The following SKAP2 variants were observed in gnomAD, a reference collection of about 807,000 sequenced individuals.
SKAP2 encodes src kinase-associated phosphoprotein 2.
SKAP2 carries 28 observed loss-of-function variants against 54.9 expected under a neutral mutation model. That is an observed-to-expected ratio of 0.51 (90% CI 0.38 to 0.70). The LOEUF is 0.70. SKAP2 is among the 30% of genes least tolerant of loss of function. The pLI, the probability that SKAP2 is intolerant of heterozygous loss-of-function variation, is 0.00. For synonymous variants in SKAP2, 137 were observed against 134.3 expected (o/e 1.02, Z -0.14); for missense variants, 356 against 424.1 (o/e 0.84, Z 1.41).
At chr7:26,717,783 G>T (rs1238436167) in intron 9 of SKAP2, among the ~76,000 whole-genome samples, 2 of 151,150 alleles carry the variant, frequency 1.3e-5, no homozygotes. Context: ...AGGGAGTTGA[G>T]ATCATGCCGC....
chr7:26,755,382 C>G (rs1782768137), intron 4 of SKAP2, among the ~76,000 whole-genome samples: 2 of 151,928 alleles, frequency 1.3e-5, no homozygotes, highest in African/African-American at 4.8e-5. Context: ...ATTAACTTGT[C>G]AAATGATGAC....
At chr7:26,761,582 A>C (rs1584374683) in intron 4 of SKAP2, among the ~76,000 whole-genome samples, 1 of 152,198 alleles carries the variant, frequency 6.6e-6, no homozygotes, top group East Asian at 1.9e-4. Flanking sequence ...CACAGAATGA[A>C]TAAAAAGACA....
intron 9 of SKAP2, among the ~76,000 whole-genome samples, chr7:26,719,106 T>C (rs920148499): frequency 1.3e-5 from 2 of 152,002 alleles, no homozygotes; most frequent in Non-Finnish European, 2.9e-5. Flanking sequence ...CTTGAGGAGT[T>C]TGAAGCTGCA....
intron 4 of SKAP2, among the ~76,000 whole-genome samples, chr7:26,756,815 A>G (rs1370613729): frequency 6.6e-6 from 1 of 152,052 alleles, no homozygotes; most frequent in Non-Finnish European, 1.5e-5. Context: ...AAGTGTTCCT[A>G]TTTCTCCATA....
rs547768838 is a variant in SKAP2, at chr7:26,735,515, T to C, written c.469+3280A>G. Among the ~76,000 whole-genome samples the C allele has an allele frequency of 2.6e-5, 4 of 152,344 alleles. No homozygotes were observed. The East Asian group carries it at 7.7e-4, about 29-fold the overall frequency. On this transcript the variant is annotated intron_variant, in intron 6 of 12. Coordinates refer to ENST00000345317, the MANE Select transcript of SKAP2 (RefSeq NM_003930.5). ...TCTTTCTAAGCCACTCCTATCTTGA[T>C]AGGTCAATATGTTTTTTGGCACACG...
At chr7:26,747,588 G>C (rs1205996133) in intron 4 of SKAP2, among the ~76,000 whole-genome samples, 1 of 152,068 alleles carries the variant, frequency 6.6e-6, no homozygotes, top group African/African-American at 2.4e-5. Context: ...GCCTTCAATA[G>C]GTCTATTTAG....
At chr7:26,792,280 C>T (rs1281933093) in intron 4 of SKAP2, among the ~76,000 whole-genome samples, 30 of 152,082 alleles carry the variant, frequency 2.0e-4, no homozygotes, top group Admixed American at 1.8e-3. Context: ...CAAGTGGTTA[C>T]CCAGCTGCAT....
At chr7:26,858,788 T>C (rs1240883756) in intron 1 of SKAP2, among the ~76,000 whole-genome samples, 2 of 152,110 alleles carry the variant, frequency 1.3e-5, no homozygotes, top group African/African-American at 2.4e-5. Flanking sequence ...TTTTTGCAAA[T>C]GATAAAGTAA....
In SKAP2 at chr7:26,784,793, T is replaced by G. The variant is rs1030737099; in HGVS notation, c.308-44829A>C. ...CATTAAGCATCTACAGTAAAGTTTT[T>G]CCCTCTCCTGTTAAAAATTAATTCC... On this transcript the variant is annotated intron_variant, in intron 4 of 12. Coordinates refer to ENST00000345317, the MANE Select transcript of SKAP2 (RefSeq NM_003930.5). Among the ~76,000 whole-genome samples, 5 of 152,166 alleles carry G rather than the reference T, an allele frequency of 3.3e-5. No individual in the cohort carries two copies. In the East Asian group the frequency reaches 9.6e-4, roughly 29 times the overall value.
intron 4 of SKAP2, among the ~76,000 whole-genome samples, chr7:26,772,905 T>C (rs1196207769): frequency 6.6e-6 from 1 of 152,214 alleles, no homozygotes; most frequent in Non-Finnish European, 1.5e-5. Flanking sequence ...TAATGGGAAA[T>C]TTTACATTCT....
intron 4 of SKAP2, among the ~76,000 whole-genome samples, chr7:26,771,428 G>A (rs1480470617): frequency 6.6e-6 from 1 of 152,142 alleles, no homozygotes; most frequent in African/African-American, 2.4e-5. Flanking sequence ...GATACGTAGG[G>A]GATGTAACTG....
the SKAP2 span, among the ~76,000 whole-genome samples, chr7:26,658,864 C>T: frequency 1.4e-5 from 2 of 147,368 alleles, no homozygotes; most frequent in African/African-American, 2.5e-5. Flanking sequence ...AACAGATGAT[C>T]AGCACCACGT....
chr7:26,783,433 A>G (rs983980645), intron 4 of SKAP2, among the ~76,000 whole-genome samples: 2 of 152,072 alleles, frequency 1.3e-5, no homozygotes, highest in Non-Finnish European at 2.9e-5. Flanking sequence ...CTCTTTAGCA[A>G]TATATACAAG....
intron 6 of SKAP2, among the ~76,000 whole-genome samples, chr7:26,737,047 T>C (rs1196669335): frequency 1.3e-5 from 2 of 152,210 alleles, no homozygotes; most frequent in Admixed American, 6.5e-5. Context: ...ACCATTGTTA[T>C]ATGCCAGTCA....
chr7:26,753,717 G>C lies in SKAP2; in HGVS notation c.308-13753C>G, dbSNP rs1419915044. Among the ~76,000 whole-genome samples the C allele has an allele frequency of 2.6e-5, 4 of 152,176 alleles. No homozygotes were observed. In the East Asian group the frequency reaches 7.7e-4, roughly 29 times the overall value. ...CATGTGTTGGTTCATTCATCAGGCA[G>C]TTACCGAGCATCCACTATGTGCCAG... On this transcript the variant is annotated intron_variant, in intron 4 of 12. Coordinates refer to ENST00000345317, the MANE Select transcript of SKAP2 (RefSeq NM_003930.5).
At chr7:26,679,659 T>C (rs1177526726) in intron 11 of SKAP2, among the ~76,000 whole-genome samples, 1 of 152,224 alleles carries the variant, frequency 6.6e-6, no homozygotes, top group Admixed American at 6.5e-5. Context: ...ATTTGTGGCA[T>C]ACTGGGTCAT....
At chr7:26,796,392 T>C (rs1783780760) in intron 4 of SKAP2, among the ~76,000 whole-genome samples, 1 of 152,236 alleles carries the variant, frequency 6.6e-6, no homozygotes. Context: ...GTAAATTGCA[T>C]ATCGCAGTAA....
chr7:26,713,103 C>T (rs970958897), intron 9 of SKAP2, among the ~76,000 whole-genome samples: 2 of 152,242 alleles, frequency 1.3e-5, no homozygotes, highest in Admixed American at 1.3e-4. Flanking sequence ...TGCCTGGCTA[C>T]ATATGGCCCT....
intron 4 of SKAP2, among the ~76,000 whole-genome samples, chr7:26,743,856 C>G (rs1270429291): frequency 1.3e-5 from 2 of 152,072 alleles, no homozygotes; most frequent in Non-Finnish European, 2.9e-5. Flanking sequence ...ATATTCCCAG[C>G]AATTCAGGGA....
Sources: allele counts gnomAD v4.1 joint callset (sites outside exome capture counted in the v4.1 genomes callset), GRCh38; gene constraint gnomAD v4.1.1; transcripts MANE v1.5; gene names NCBI Gene and HGNC (gene_info 2026-07-23, HGNC 2026-07-21).